CSMD1: variants seen among roughly 807,000 people sequenced by gnomAD.
CSMD1 encodes CUB and Sushi multiple domains 1.
CSMD1 carries 213 observed loss-of-function variants against 417.5 expected under a neutral mutation model. The ratio of observed to expected loss-of-function variants is 0.51; its 90% CI spans 0.46 to 0.57. CSMD1 has a LOEUF of 0.57. Among genes scored for constraint, CSMD1 ranks in the 20% least tolerant of loss-of-function variants. CSMD1 has a pLI of 0.00. For missense variants in CSMD1, 6,923 were observed against 4,529.7 expected (o/e 1.53, Z -15.17); for synonymous variants, 2,862 against 1,736.8 (o/e 1.65, Z -16.11).
At chr8:4,759,245 G>A (rs1383690090) in intron 1 of CSMD1, among the ~76,000 whole-genome samples, 2 of 152,116 alleles carry the variant, frequency 1.3e-5, no homozygotes, top group Non-Finnish European at 2.9e-5. Context: ...CAGTGTCGTT[G>A]GATGATGACT....
intron 5 of CSMD1, among the ~76,000 whole-genome samples, chr8:3,957,363 C>T (rs1201851810): frequency 6.6e-6 from 1 of 152,060 alleles, no homozygotes. Context: ...TGCTAGGCAC[C>T]AAGGCAGGTG....
chr8:4,935,009 A>T (rs1807512795), intron 1 of CSMD1, among the ~76,000 whole-genome samples: 1 of 152,230 alleles, frequency 6.6e-6, no homozygotes, highest in Non-Finnish European at 1.5e-5. Context: ...ATCTATCTAT[A>T]CATATCTATC....
chr8:3,139,844 A>G (rs151214798), intron 41 of CSMD1, among the ~76,000 whole-genome samples: 202 of 152,076 alleles, frequency 1.3e-3, no homozygotes, highest in African/African-American at 4.6e-3. Context: ...GTAGGAAGAG[A>G]GGTACCTAGA....
chr8:4,914,757 G>C (rs1805938369), intron 1 of CSMD1, among the ~76,000 whole-genome samples: 1 of 152,138 alleles, frequency 6.6e-6, no homozygotes, highest in Non-Finnish European at 1.5e-5. Context: ...TGTTTTCTCA[G>C]TTTACGTCAC....
At chr8:3,710,822 T>A (rs574321789) in intron 6 of CSMD1, among the ~76,000 whole-genome samples, 1 of 152,170 alleles carries the variant, frequency 6.6e-6, no homozygotes, top group Non-Finnish European at 1.5e-5. Context: ...GGGAAGACTA[T>A]GCAGAATTTG....
At chr8:3,262,186 TA>T (rs1801120388) in intron 26 of CSMD1, among the ~76,000 whole-genome samples, 1 of 33,888 alleles carries the variant, frequency 3.0e-5, no homozygotes, top group African/African-American at 1.1e-4. Context: ...CTCATATGAA[TA>T]TATATATATA....
intron 42 of CSMD1, among the ~76,000 whole-genome samples, chr8:3,116,728 A>C (rs1816894650): frequency 6.6e-6 from 1 of 152,202 alleles, no homozygotes; most frequent in Non-Finnish European, 1.5e-5. Flanking sequence ...GAAAGCAATA[A>C]AATCAAATTA....
intron 4 of CSMD1, among the ~76,000 whole-genome samples, chr8:4,005,439 G>A (rs931214710): frequency 9.9e-5 from 15 of 152,262 alleles, no homozygotes; most frequent in South Asian, 4.1e-4. Flanking sequence ...CAAGTGCTTT[G>A]CAGGGCCACT....
At chr8:4,232,102 C>A (rs184286111) in intron 3 of CSMD1, among the ~76,000 whole-genome samples, 4 of 152,190 alleles carry the variant, frequency 2.6e-5, no homozygotes, top group Non-Finnish European at 5.9e-5. Flanking sequence ...CACATTCATG[C>A]TTCTGATACT....
chr8:4,747,119 C>G (rs545453763), intron 1 of CSMD1, among the ~76,000 whole-genome samples: 1 of 152,284 alleles, frequency 6.6e-6, no homozygotes, highest in African/African-American at 2.4e-5. Flanking sequence ...CTTTCGGCTC[C>G]TGCTCCTAAG....
chr8:4,262,783 G>T (rs538250640), intron 3 of CSMD1, among the ~76,000 whole-genome samples: 22 of 152,266 alleles, frequency 1.4e-4, no homozygotes, highest in African/African-American at 5.1e-4. Context: ...GGAGAGGAAG[G>T]AAGTATGTTC....
chr8:3,289,525 G>C (rs922032719), intron 25 of CSMD1, among the ~76,000 whole-genome samples: 38 of 119,476 alleles, frequency 3.2e-4, no homozygotes, highest in Non-Finnish European at 6.6e-4. Flanking sequence ...ATTCTAACTG[G>C]TGTGAGATGG....
At chr8:4,279,946 G>A (rs759648302) in intron 3 of CSMD1, among the ~76,000 whole-genome samples, 1 of 152,118 alleles carries the variant, frequency 6.6e-6, no homozygotes, top group African/African-American at 2.4e-5. Flanking sequence ...CACAAGAAAA[G>A]TACATAGGGG....
At chr8:3,333,483 G>T (rs1807039194) in intron 23 of CSMD1, among the ~76,000 whole-genome samples, 1 of 152,176 alleles carries the variant, frequency 6.6e-6, no homozygotes, top group African/African-American at 2.4e-5. Context: ...TAACAGCTAT[G>T]TAAAAACAAA....
chr8:4,042,326 G>C (rs998990325), intron 3 of CSMD1, among the ~76,000 whole-genome samples: 4 of 152,156 alleles, frequency 2.6e-5, no homozygotes, highest in African/African-American at 9.7e-5. Context: ...GAGAGACAAA[G>C]ATAAAGGGGC....
At chr8:3,552,126 G>A (rs1404295072) in intron 10 of CSMD1, among the ~76,000 whole-genome samples, 2 of 152,140 alleles carry the variant, frequency 1.3e-5, no homozygotes, top group African/African-American at 2.4e-5. Flanking sequence ...TTACATGGAG[G>A]CACTTTGAAT....
chr8:3,076,505 G>C (rs59712404), intron 49 of CSMD1, among the ~76,000 whole-genome samples: 43,811 of 148,826 alleles, frequency 0.29, 6,583 homozygotes, highest in East Asian at 0.35. Context: ...GGCAGAACCT[G>C]CAGACTTTCT....
intron 3 of CSMD1, among the ~76,000 whole-genome samples, chr8:4,388,391 A>C (rs1269288227): frequency 6.6e-6 from 1 of 152,028 alleles, no homozygotes; most frequent in African/African-American, 2.4e-5. Context: ...GCATGAATTA[A>C]TGGCATTTGC....
chr8:3,752,019 A>G (rs1459881391), intron 6 of CSMD1, among the ~76,000 whole-genome samples: 1 of 152,162 alleles, frequency 6.6e-6, no homozygotes, highest in East Asian at 1.9e-4. Context: ...CTGAAGAGAA[A>G]GTGCAGACAG....
Sources: gnomAD v4.1 joint callset for allele counts (sites outside exome capture counted in the v4.1 genomes callset) on GRCh38, gnomAD v4.1.1 for gene constraint, MANE v1.5 for transcripts, NCBI Gene and HGNC (gene_info 2026-07-23, HGNC 2026-07-21) for gene names.